JADE2: variants seen among roughly 807,000 people sequenced by gnomAD.
JADE2 encodes jade family PHD finger 2.
In JADE2, 13 loss-of-function variants were observed where a neutral mutation model predicts 85.7. The ratio of observed to expected loss-of-function variants is 0.15; its 90% confidence interval spans 0.10 to 0.24. The LOEUF (loss-of-function observed/expected upper bound fraction) is 0.24, where lower values mean the gene tolerates loss of function less well. Among genes scored for constraint, JADE2 ranks in the 10% least tolerant of loss-of-function variants. The pLI, the probability that JADE2 is intolerant of heterozygous loss-of-function variation, is 1.00. For missense variants in JADE2, 846 were observed against 1,115.9 expected (o/e 0.76, Z 3.45); for synonymous variants, 440 against 456.1 (o/e 0.96, Z 0.45).
At chr5:134,546,891 G>A (rs1762326954) in intron 3 of JADE2, among the ~76,000 whole-genome samples, 1 of 152,116 alleles carries the variant, frequency 6.6e-6, no homozygotes, top group Admixed American at 6.5e-5. Context: ...GAAATACTCT[G>A]TGATACAGTA....
intron 1 of JADE2, among the ~76,000 whole-genome samples, chr5:134,527,861 G>T (rs940542757): frequency 2.0e-5 from 3 of 152,210 alleles, no homozygotes; most frequent in Non-Finnish European, 4.4e-5. Flanking sequence ...TTTGCCGTAT[G>T]CCGAAGGCAC....
rs769247538 is a variant in JADE2, at chr5:134,559,856, C to G, written c.338C>G (p.Pro113Arg). Residue 113 changes from proline (P) to arginine (R), a missense_variant, in exon 5 of 12, where the codon CCT (proline) becomes CGT (arginine). Transcript: ENST00000681547. Reference protein sequence around the residue: ...VRILPPLEGPPAQASPSSTML... With the variant: ...VRILPPLEGPRAQASPSSTML... Reference sequence around the variant, plus strand: ...ATCCTCCCACCACTGGAAGGCCCCCCTGCCCAGGCATCCCCGAGCAGCACC... The same window carrying G: ...ATCCTCCCACCACTGGAAGGCCCCCGTGCCCAGGCATCCCCGAGCAGCACC... 6.2e-7 allele frequency: 1 copy of G among 1,611,982 alleles called. No homozygotes were observed. Among genetic ancestry groups the G allele is most frequent in the Non-Finnish European group, 8.5e-7 (1 of 1,179,116 alleles).
In JADE2 at chr5:134,581,849, G is replaced by A. The variant is rs1764728063; in HGVS notation, c.*2532G>A. The stretch of plus-strand genomic sequence containing the variant: ...TTCAGGCAGCTGTCTCCACCTCCAG[G>A]ATGTCCAGCAGGCTGCAAGGAGAAG... On this transcript the variant is annotated 3_prime_UTR_variant, in exon 12 of 12. Coordinates refer to ENST00000681547, the MANE Select transcript of JADE2 (RefSeq NM_001388185.1). 1 of 152,298 alleles carries A rather than the reference G, an allele frequency of 6.6e-6. No individual in the cohort carries two copies. The highest frequency in any genetic ancestry group is 6.5e-5 in the Admixed American group (1 of 15,284). The allele number at this position is 152,298 out of a possible 1,614,324, so 9.4% of individuals were successfully genotyped here.
At chr5:134,573,927 G>T (rs954689051) in intron 10 of JADE2, 165 bp downstream of exon 10, 1 of 705,286 alleles carries the variant, frequency 1.4e-6, no homozygotes, top group South Asian at 1.5e-5. Context: ...AGGCCCAGAC[G>T]GGGGCCTGCA....
chr5:134,557,228 ATTT>A lies in JADE2; in HGVS notation c.312-2596_312-2594del, dbSNP rs1163893894. ...TATGATGATGATGATGATGATTATTATTTTTTTTGTTGTTGTTGTTTTCAAGCT... is the reference window on the plus strand; with the variant it reads ...TATGATGATGATGATGATGATTATTATTTTTGTTGTTGTTGTTTTCAAGCT... On this transcript the variant is annotated intron_variant, in intron 4 of 11. Transcript: ENST00000681547. Among the ~76,000 whole-genome samples the A allele has an allele frequency of 2.0e-3, 276 of 138,242 alleles. 1 individual carries two copies. The highest frequency in any genetic ancestry group is 7.4e-3 in the African/African-American group (271 of 36,746). 90.7% of individuals were successfully genotyped at this position (138,242 alleles called of 152,430 possible).
intron 3 of JADE2, among the ~76,000 whole-genome samples, chr5:134,550,713 C>G (rs6860825): frequency 6.6e-6 from 1 of 152,192 alleles, no homozygotes; most frequent in Admixed American, 6.5e-5. Context: ...GATCAGGTGA[C>G]TGGGGCAGGA....
At chr5:134,526,434 T>C in intron 1 of JADE2, 1 of 984,818 alleles carries the variant, frequency 1.0e-6, no homozygotes, top group Non-Finnish European at 1.2e-6. Flanking sequence ...ATGGGTACGG[T>C]GGGGAGGTCG....
At chr5:134,555,047 G>T (rs2149948867) in intron 4 of JADE2, among the ~76,000 whole-genome samples, 1 of 152,286 alleles carries the variant, frequency 6.6e-6, no homozygotes, top group East Asian at 1.9e-4. Context: ...AACAAGCCCT[G>T]GGCTGCCCCT....
intron 4 of JADE2, among the ~76,000 whole-genome samples, chr5:134,557,227 TA>T (rs1214350596): frequency 5.3e-5 from 8 of 150,696 alleles, no homozygotes; most frequent in South Asian, 4.2e-4. Flanking sequence ...TGATGATTAT[TA>T]TTTTTTTTGT....
chr5:134,531,883 CTTTTTTTTTTTTTTTT>C (rs1160758941), intron 1 of JADE2, among the ~76,000 whole-genome samples: 3 of 38,478 alleles, frequency 7.8e-5, no homozygotes, highest in Admixed American at 4.4e-4. Flanking sequence ...CCGTGCCTGG[CTTTTTTTTTTTTTTTT>C]TTTTTTTTTT....
At chr5:134,533,491 T>G in intron 1 of JADE2, 4 of 979,860 alleles carry the variant, frequency 4.1e-6, no homozygotes, top group Non-Finnish European at 4.8e-6. Context: ...CATCAACAAC[T>G]TCTGCTTTTA....
Position 134,580,014 on chromosome 5 carries a change from A to C in JADE2, c.*697A>C, listed in dbSNP as rs1254084993. 6.6e-6 allele frequency: 1 copy of C among 152,602 alleles called. No individual in the cohort carries two copies. The highest frequency in any genetic ancestry group is 1.5e-5 in the Non-Finnish European group (1 of 68,090). 9.5% of individuals were successfully genotyped at this position (152,602 alleles called of 1,614,324 possible). ...CCAGCGGCTCTGGGAAGGGGTTCCCAGAATCCCTCCTGAGCTGTGCCATTT... is the reference window on the plus strand; with the variant it reads ...CCAGCGGCTCTGGGAAGGGGTTCCCCGAATCCCTCCTGAGCTGTGCCATTT... On this transcript the variant is annotated 3_prime_UTR_variant, in exon 12 of 12. Coordinates refer to ENST00000681547, the MANE Select transcript of JADE2 (RefSeq NM_001388185.1).
At chr5:134,540,107 T>C (rs1761880685) in intron 3 of JADE2, among the ~76,000 whole-genome samples, 1 of 152,132 alleles carries the variant, frequency 6.6e-6, no homozygotes, top group East Asian at 1.9e-4. Context: ...CCCTGCTTGG[T>C]AGGGGGATGG....
At chr5:134,528,217 C>T (rs978839279) in intron 1 of JADE2, among the ~76,000 whole-genome samples, 2 of 152,162 alleles carry the variant, frequency 1.3e-5, no homozygotes, top group Admixed American at 6.5e-5. Context: ...GGCATTAACT[C>T]CCTCCCTTCA....
At chr5:134,527,819 A>C in intron 1 of JADE2, among the ~76,000 whole-genome samples, 1 of 152,090 alleles carries the variant, frequency 6.6e-6, no homozygotes, top group Admixed American at 6.5e-5. Flanking sequence ...CTCTTGCTGG[A>C]GGCTGGGGGA....
intron 3 of JADE2, among the ~76,000 whole-genome samples, chr5:134,541,760 T>C (rs539687795): frequency 8.5e-5 from 13 of 152,222 alleles, no homozygotes; most frequent in Non-Finnish European, 1.5e-4. Flanking sequence ...GGGGTTGGGT[T>C]TGGGTGGGAT....
rs1260142570 is a variant in JADE2 at position 134,581,240 on chromosome 5, C to G, written c.*1923C>G. The G allele has an allele frequency of 2.0e-5, 3 of 152,586 alleles. No homozygotes were observed. The highest frequency in any genetic ancestry group is 7.2e-5 in the African/African-American group (3 of 41,426). The allele number at this position is 152,586 out of a possible 1,614,324, so 9.5% of individuals were successfully genotyped here. ...TGGGCGTTGGGATGGCATGAGCTAC[C>G]CTGTAGAGTTTAGTCTGCCTGCCCG... is the stretch of plus-strand genomic sequence containing the variant. On this transcript the variant is annotated 3_prime_UTR_variant, in exon 12 of 12. Transcript: ENST00000681547.
At chr5:134,557,325 G>T (rs1372294207) in intron 4 of JADE2, among the ~76,000 whole-genome samples, 5 of 101,862 alleles carry the variant, frequency 4.9e-5, no homozygotes, top group South Asian at 3.3e-4. Flanking sequence ...ATTAGATTAT[G>T]TTGCCTATGT....
chr5:134,527,553 G>T (rs1258870646), intron 1 of JADE2, among the ~76,000 whole-genome samples: 18 of 151,378 alleles, frequency 1.2e-4, no homozygotes, highest in African/African-American at 3.9e-4. Context: ...CGACCTGGGT[G>T]TTAAGCCCAC....
Sources: gnomAD v4.1 joint callset for allele counts (sites outside exome capture counted in the v4.1 genomes callset) on GRCh38, gnomAD v4.1.1 for gene constraint, MANE v1.5 for transcripts, NCBI Gene and HGNC (gene_info 2026-07-23, HGNC 2026-07-21) for gene names.